Variants in ENOX1 observed in about 807,000 individuals in gnomAD.
ENOX1 encodes the protein ecto-NOX disulfide-thiol exchanger 1, also known as candidate growth-related and time keeping constitutive hydroquinone (NADH) oxidase.
In ENOX1, 42 loss-of-function variants were observed where a neutral mutation model predicts 82.5. The ratio of observed to expected loss-of-function variants is 0.51; its 90% CI spans 0.40 to 0.66. The LOEUF (loss-of-function observed/expected upper bound fraction) is 0.66. Among genes scored for constraint, ENOX1 ranks in the 30% least tolerant of loss-of-function variants. The pLI is 0.00. For synonymous variants in ENOX1, 271 were observed against 282.2 expected, an observed-to-expected ratio of 0.96 and a Z score of 0.40; for missense variants, 608 against 811.6, an observed-to-expected ratio of 0.75 and a Z score of 3.05.
intron 3 of ENOX1, among the ~76,000 whole-genome samples, chr13:43,454,734 A>G (rs986075512): frequency 6.6e-6 from 1 of 152,086 alleles, no homozygotes; most frequent in Non-Finnish European, 1.5e-5. Context: ...GTTGTTCAAC[A>G]TCTTATTTTT....
chr13:43,268,857 C>T (rs1436557680), intron 13 of ENOX1, among the ~76,000 whole-genome samples: 1 of 152,156 alleles, frequency 6.6e-6, no homozygotes, highest in Non-Finnish European at 1.5e-5. Context: ...AGATAGTGGG[C>T]TTAGATTTCA....
chr13:43,723,388 C>T lies in ENOX1; in HGVS notation c.-284-55844G>A, dbSNP rs144137908. On this transcript the variant is annotated intron_variant, in intron 1 of 16. Transcript: ENST00000690772. ...AGCTGTGACATTCATTTAACATTTC[C>T]ATTGTCAAAAAAATTACTCAGGAGC... is the stretch of plus-strand genomic sequence containing the variant. Among the ~76,000 whole-genome samples the T allele has an allele frequency of 6.2e-3, 938 of 152,140 alleles. 9 individuals carry two copies. The highest frequency in any genetic ancestry group is 0.021 in the African/African-American group (890 of 41,482).
At chr13:43,683,337 C>T (rs531989615) in intron 1 of ENOX1, among the ~76,000 whole-genome samples, 1 of 152,192 alleles carries the variant, frequency 6.6e-6, no homozygotes, top group Admixed American at 6.6e-5. Context: ...GAAGGGACTG[C>T]AGTGTCTCCA....
chr13:43,228,808 G>C (rs571719480), intron 15 of ENOX1, among the ~76,000 whole-genome samples: 1 of 152,328 alleles, frequency 6.6e-6, no homozygotes, highest in African/African-American at 2.4e-5. Flanking sequence ...GAGCAACACA[G>C]ATAATAAACA....
intron 3 of ENOX1, among the ~76,000 whole-genome samples, chr13:43,414,176 G>A (rs1458450949): frequency 6.6e-6 from 1 of 152,120 alleles, no homozygotes; most frequent in Non-Finnish European, 1.5e-5. Flanking sequence ...CTTCTGATCA[G>A]TTGAGCAGAA....
At chr13:43,545,223 C>G (rs1490159973) in intron 2 of ENOX1, 4 of 152,162 alleles carry the variant, frequency 2.6e-5, no homozygotes, top group Non-Finnish European at 4.4e-5. Flanking sequence ...TAAAACAGGC[C>G]AGTCATGTTT....
At chr13:43,342,967 T>C (rs1274652590) in intron 9 of ENOX1, among the ~76,000 whole-genome samples, 1 of 152,214 alleles carries the variant, frequency 6.6e-6, no homozygotes, top group Non-Finnish European at 1.5e-5. Context: ...TTCTCACCTA[T>C]TCATGGCTGC....
At chr13:43,347,417 T>A (rs1419661482) in intron 8 of ENOX1, among the ~76,000 whole-genome samples, 3 of 152,192 alleles carry the variant, frequency 2.0e-5, no homozygotes, top group African/African-American at 7.2e-5. Context: ...TTTCTGAAAC[T>A]GACAGGCCGA....
At chr13:43,402,833 T>A (rs1027614859) in intron 5 of ENOX1, among the ~76,000 whole-genome samples, 1 of 152,196 alleles carries the variant, frequency 6.6e-6, no homozygotes, top group Non-Finnish European at 1.5e-5. Flanking sequence ...AATATGGGAA[T>A]TTAATTGTCT....
At chr13:43,758,250 A>C (rs564379115) in intron 1 of ENOX1, among the ~76,000 whole-genome samples, 3 of 152,182 alleles carry the variant, frequency 2.0e-5, no homozygotes, top group Non-Finnish European at 4.4e-5. Context: ...AAAACAAAAA[A>C]ACAAAAAACA....
intron 14 of ENOX1, among the ~76,000 whole-genome samples, chr13:43,247,862 TATATATATATATATATA>T (rs1566329526): frequency 0.029 from 99 of 3,468 alleles, 10 homozygotes; most frequent in Non-Finnish European, 0.046. Flanking sequence ...TATATATATA[TATATATATATATATATA>T]TATATTTTTT....
chr13:43,564,581 T>C (rs555344048), intron 2 of ENOX1, among the ~76,000 whole-genome samples: 21 of 152,148 alleles, frequency 1.4e-4, no homozygotes, highest in African/African-American at 4.8e-4. Context: ...AATAAACTAG[T>C]GGGAGTGCAG....
At chr13:43,438,964 CA>C (rs1334205436) in intron 3 of ENOX1, among the ~76,000 whole-genome samples, 1 of 151,668 alleles carries the variant, frequency 6.6e-6, no homozygotes, top group Non-Finnish European at 1.5e-5. Flanking sequence ...TTTGAAGAAG[CA>C]GCTGGTTGAC....
intron 2 of ENOX1, among the ~76,000 whole-genome samples, chr13:43,628,138 C>CT (rs1023574048): frequency 2.8e-4 from 43 of 152,102 alleles, no homozygotes; most frequent in African/African-American, 9.6e-4. Flanking sequence ...AGGTTTATAT[C>CT]TTTTCCAAAT....
At position 43,681,384 on chromosome 13, in the gene ENOX1, C is replaced by T. The variant is rs145775836; in HGVS notation, c.-284-13840G>A. Among the ~76,000 whole-genome samples, 30 of 152,140 alleles carry T rather than the reference C, an allele frequency of 2.0e-4. No individual in the cohort carries two copies. The East Asian group carries it at 5.6e-3, about 28-fold the overall frequency. On this transcript the variant is annotated intron_variant, in intron 1 of 16. Coordinates refer to ENST00000690772, the MANE Select transcript of ENOX1 (RefSeq NM_001347969.2). ...AAAATCAAAACTGGACTCCCTAAGT[C>T]CACACCATTTCCCTTAGGACAACAA...
intron 2 of ENOX1, among the ~76,000 whole-genome samples, chr13:43,616,141 G>T (rs1318570425): frequency 4.9e-5 from 3 of 60,996 alleles, no homozygotes; most frequent in African/African-American, 1.1e-4. Flanking sequence ...TATCTATCTA[G>T]ATATCTATAT....
chr13:43,645,803 T>C (rs906569955), intron 2 of ENOX1, among the ~76,000 whole-genome samples: 3 of 152,204 alleles, frequency 2.0e-5, no homozygotes, highest in African/African-American at 7.2e-5. Context: ...AAAACACCTT[T>C]TATGGTCATT....
At chr13:43,686,859 G>C (rs1245093222) in intron 1 of ENOX1, among the ~76,000 whole-genome samples, 4 of 119,396 alleles carry the variant, frequency 3.4e-5, no homozygotes. Flanking sequence ...TATCTGCCAA[G>C]CAAACTCGTG....
intron 2 of ENOX1, among the ~76,000 whole-genome samples, chr13:43,641,639 C>T (rs1169985140): frequency 7.3e-6 from 1 of 137,632 alleles, no homozygotes; most frequent in African/African-American, 2.7e-5. Context: ...AGTTTGACAC[C>T]ATTCTCCTTC....
Sources: allele counts gnomAD v4.1 joint callset (sites outside exome capture counted in the v4.1 genomes callset), GRCh38; gene constraint gnomAD v4.1.1; transcripts MANE v1.5; gene names NCBI Gene and HGNC (gene_info 2026-07-23, HGNC 2026-07-21).